Variants in SGCD observed in about 807,000 individuals in gnomAD.
SGCD encodes the protein sarcoglycan delta, also known as delta-sarcoglycan.
Under a neutral mutation model 36.6 loss-of-function variants are expected in SGCD, and 18 were observed. The ratio of observed to expected loss-of-function variants is 0.49; its 90% CI spans 0.34 to 0.73. The LOEUF is 0.73. Among genes scored for constraint, SGCD ranks in the 30% least tolerant of loss-of-function variants. The pLI, the probability that SGCD is intolerant of heterozygous loss-of-function variation, is 0.01. For synonymous variants in SGCD, 133 were observed against 130.6 expected (o/e 1.02, Z -0.12); for missense variants, 387 against 346.7 (o/e 1.12, Z -0.92).
intron 3 of SGCD, among the ~76,000 whole-genome samples, chr5:156,370,953 A>T (rs1208707042): frequency 6.6e-6 from 1 of 152,112 alleles, no homozygotes; most frequent in Non-Finnish European, 1.5e-5. Context: ...CAAACCAGCA[A>T]GTAGATGATT....
chr5:156,611,564 A>G (rs1251151509), intron 6 of SGCD, among the ~76,000 whole-genome samples: 2 of 152,102 alleles, frequency 1.3e-5, no homozygotes, highest in Non-Finnish European at 2.9e-5. Context: ...ACTTTTGAAA[A>G]TTTGATTATA....
chr5:156,348,489 C>G (rs1288524562), intron 3 of SGCD, among the ~76,000 whole-genome samples: 3 of 152,066 alleles, frequency 2.0e-5, no homozygotes, highest in Non-Finnish European at 2.9e-5. Context: ...ATTAAGCACT[C>G]AATCTCTTTT....
the SGCD span, among the ~76,000 whole-genome samples, chr5:155,836,755 TCTC>T: frequency 1.3e-5 from 2 of 152,180 alleles, no homozygotes; most frequent in Admixed American, 6.5e-5. Context: ...GAGGTATTTT[TCTC>T]CTCCTTCTAG....
intron 4 of SGCD, among the ~76,000 whole-genome samples, chr5:156,518,906 A>G (rs1042388551): frequency 2.0e-5 from 3 of 152,216 alleles, no homozygotes; most frequent in African/African-American, 7.2e-5. Context: ...AGCTAGAAAG[A>G]TCTCAAATGA....
intron 6 of SGCD, among the ~76,000 whole-genome samples, chr5:156,626,501 G>A (rs1762446070): frequency 6.6e-6 from 1 of 152,190 alleles, no homozygotes; most frequent in South Asian, 2.1e-4. Flanking sequence ...GAAGACAGAA[G>A]TGATGTGCAT....
intron 3 of SGCD, among the ~76,000 whole-genome samples, chr5:156,455,951 G>C (rs1468686161): frequency 6.6e-6 from 1 of 152,152 alleles, no homozygotes; most frequent in Non-Finnish European, 1.5e-5. Flanking sequence ...GCCAAGGATT[G>C]AGGACCATGG....
intron 7 of SGCD, among the ~76,000 whole-genome samples, chr5:156,682,201 G>A (rs1753747384): frequency 6.6e-6 from 1 of 152,182 alleles, no homozygotes; most frequent in African/African-American, 2.4e-5. Flanking sequence ...GAATGTCACT[G>A]TAAATAAAAA....
intron 4 of SGCD, among the ~76,000 whole-genome samples, chr5:156,546,708 T>C (rs1422591234): frequency 6.6e-6 from 1 of 152,114 alleles, no homozygotes; most frequent in African/African-American, 2.4e-5. Context: ...AAATATGATC[T>C]TGTCAGGTAG....
chr5:156,487,861 C>CA (rs1241489999), intron 3 of SGCD, among the ~76,000 whole-genome samples: 5 of 117,278 alleles, frequency 4.3e-5, no homozygotes, highest in East Asian at 5.0e-4. Flanking sequence ...ATGAAATGCC[C>CA]AAAAAAGAAT....
intron 1 of SGCD, among the ~76,000 whole-genome samples, chr5:155,956,125 TC>T (rs34089031): frequency 0.51 from 72,449 of 142,602 alleles, 18,588 homozygotes; most frequent in Admixed American, 0.63. Flanking sequence ...TTTTTTTTTT[TC>T]CCACCTCTCC....
chr5:156,473,724 T>C (rs981050010), intron 3 of SGCD, among the ~76,000 whole-genome samples: 23 of 152,204 alleles, frequency 1.5e-4, no homozygotes, highest in African/African-American at 5.5e-4. Flanking sequence ...ATTTCAGGCT[T>C]CACCCTGGGG....
chr5:155,763,267 G>A, the SGCD span, among the ~76,000 whole-genome samples: 1 of 152,172 alleles, frequency 6.6e-6, no homozygotes, highest in African/African-American at 2.4e-5. Flanking sequence ...CTTAACCAGA[G>A]AGGCTGACCT....
At position 155,986,952 on chromosome 5, in the gene SGCD, A is replaced by G. The variant is rs141785886; in HGVS notation, c.-282+116528A>G. 1.7e-3 allele frequency among the ~76,000 whole-genome samples: 253 copies of G among 152,298 alleles called. 1 individual carries two copies. Among genetic ancestry groups the G allele is most frequent in the Non-Finnish European group, 2.8e-3 (193 of 68,036 alleles). ...TGTTTCCTGACTGCAAAGCTCTTAT[A>G]GAATTGTTGGCAAAAGGGCTGGAAA... On this transcript the variant is annotated intron_variant, in intron 1 of 9. Transcript: ENST00000517913.
chr5:156,606,262 A>G (rs952286747), intron 6 of SGCD, among the ~76,000 whole-genome samples: 3 of 152,214 alleles, frequency 2.0e-5, no homozygotes, highest in Non-Finnish European at 4.4e-5. Context: ...CTTTCTACAC[A>G]TGGCTAGCCA....
At chr5:155,782,455 C>T in the SGCD span, among the ~76,000 whole-genome samples, 1 of 152,124 alleles carries the variant, frequency 6.6e-6, no homozygotes, top group African/African-American at 2.4e-5. Context: ...CTAAATCACT[C>T]CTAAACCTCC....
intron 3 of SGCD, among the ~76,000 whole-genome samples, chr5:156,502,395 G>C (rs1756498067): frequency 6.6e-6 from 1 of 151,738 alleles, no homozygotes; most frequent in Non-Finnish European, 1.5e-5. Flanking sequence ...TCCCAGGCTG[G>C]AGAGCATTGA....
At chr5:156,359,911 G>C (rs553252867) in intron 3 of SGCD, among the ~76,000 whole-genome samples, 14 of 152,274 alleles carry the variant, frequency 9.2e-5, no homozygotes, top group Middle Eastern at 3.4e-3. Flanking sequence ...AGGTTAAGAG[G>C]CCTCACAACT....
At chr5:156,232,229 T>C (rs1765037386) in intron 3 of SGCD, among the ~76,000 whole-genome samples, 1 of 152,228 alleles carries the variant, frequency 6.6e-6, no homozygotes, top group Admixed American at 6.5e-5. Context: ...TAAGTGTTTA[T>C]GATTTTTTAA....
At chr5:155,746,065 T>C in the SGCD span, among the ~76,000 whole-genome samples, 34 of 152,118 alleles carry the variant, frequency 2.2e-4, no homozygotes, top group Non-Finnish European at 4.4e-4. Context: ...AGCAAGAAAA[T>C]GGAAATAACC....
Sources: allele counts gnomAD v4.1 joint callset (sites outside exome capture counted in the v4.1 genomes callset), GRCh38; gene constraint gnomAD v4.1.1; transcripts MANE v1.5; gene names NCBI Gene and HGNC (gene_info 2026-07-23, HGNC 2026-07-21).